SCN9A: variants seen among roughly 807,000 people sequenced by gnomAD.
SCN9A encodes sodium channel protein type 9 subunit alpha.
A neutral mutation model predicts 187.0 loss-of-function variants in SCN9A; 131 were observed. That is an observed-to-expected ratio of 0.70 (90% CI 0.61 to 0.81). The LOEUF (loss-of-function observed/expected upper bound fraction) is 0.81. Among genes scored for constraint, SCN9A ranks in the 30% least tolerant of loss-of-function variants. The pLI is 0.00. For missense variants in SCN9A, 2,252 were observed against 2,396.6 expected, an observed-to-expected ratio of 0.94 and a Z score of 1.26; for synonymous variants, 809 against 808.6, an observed-to-expected ratio of 1.00 and a Z score of -0.01.
At chr2:166,228,612 T>C in intron 22 of SCN9A, 79 bp downstream of exon 22, 1 of 1,199,426 alleles carries the variant, frequency 8.3e-7, no homozygotes. Context: ...TTATAATTAA[T>C]ATACTATTTA....
chr2:166,330,234 T>C (rs1055984547), intron 1 of SCN9A, among the ~76,000 whole-genome samples: 2 of 152,124 alleles, frequency 1.3e-5, no homozygotes, highest in Non-Finnish European at 2.9e-5. Context: ...TTGTTATCAT[T>C]GGCCATGCAA....
At chr2:166,271,957 G>A (rs373803088) in intron 17 of SCN9A, among the ~76,000 whole-genome samples, 19 of 152,046 alleles carry the variant, frequency 1.2e-4, no homozygotes, top group African/African-American at 3.4e-4. Flanking sequence ...CTGCATGAGC[G>A]AAAATAATCA....
At chr2:166,228,615 A>G in intron 22 of SCN9A, 76 bp downstream of exon 22, 3 of 1,209,372 alleles carry the variant, frequency 2.5e-6, no homozygotes, top group Non-Finnish European at 3.4e-6. Context: ...TAATTAATAT[A>G]CTATTTAAAG....
At chr2:166,259,440 T>C (rs1226113921) in intron 17 of SCN9A, among the ~76,000 whole-genome samples, 1 of 151,838 alleles carries the variant, frequency 6.6e-6, no homozygotes, top group Non-Finnish European at 1.5e-5. Context: ...CGTTAAGCAA[T>C]ATATTTGAAT....
rs1331655108 is a variant in SCN9A, at chr2:166,238,187, G to A, written c.3708C>T (p.Ile1236=). Residue 1236 remains isoleucine, a synonymous_variant, in exon 20 of 27, where the codon ATC becomes ATT. Coordinates refer to ENST00000642356, the MANE Select transcript of SCN9A (RefSeq NM_001365536.1). ...ATTTTAGAAGCATTTCCAGAATGAAGATGTAAGTGAAGATCTTGTCTGCAT... is the reference window on the plus strand; with the variant it reads ...ATTTTAGAAGCATTTCCAGAATGAAAATGTAAGTGAAGATCTTGTCTGCAT... ...LEYADKIFTY[I]FILEMLLKWI... The A allele has an allele frequency of 1.9e-6, 3 of 1,606,880 alleles. No homozygotes were observed. The highest frequency in any genetic ancestry group is 1.1e-5 in the South Asian group (1 of 90,212).
chr2:166,352,659 C>T (rs1254150685), intron 1 of SCN9A, among the ~76,000 whole-genome samples: 1 of 152,116 alleles, frequency 6.6e-6, no homozygotes, highest in Non-Finnish European at 1.5e-5. Flanking sequence ...TTCTTAGTTG[C>T]AGTAACATTG....
rs1697897307 is a variant in SCN9A, at chr2:166,288,615, A to G, written c.1136T>C (p.Met379Thr). The G allele has an allele frequency of 6.2e-7, 1 of 1,606,992 alleles. No individual in the cohort carries two copies. The highest frequency in any genetic ancestry group is 1.1e-5 in the South Asian group (1 of 89,862). The change falls in exon 10 of 27, where the codon ATG becomes ACG. Residue 379 changes from methionine (M) to threonine (T), a missense_variant. Transcript: ENST00000642356. ...QTLRAAGKTY[M>T]IFFVVVIFLG... Reference sequence around the variant, plus strand: ...GAAAATCACTACGACAAAGAAGATCATGTAGGTTTTGCCAGCAGCACGCAG... The same window carrying G: ...GAAAATCACTACGACAAAGAAGATCGTGTAGGTTTTGCCAGCAGCACGCAG...
Position 166,204,173 on chromosome 2 carries a change from A to G in SCN9A, c.4556T>C (p.Ile1519Thr), listed in dbSNP as rs200486813. The G allele has an allele frequency of 6.2e-7, 1 of 1,612,196 alleles. No homozygotes were observed. The highest frequency in any genetic ancestry group is 8.5e-7 in the Non-Finnish European group (1 of 1,178,742). The change falls in exon 26 of 27, where the codon ATT (isoleucine) becomes ACT (threonine). Residue 1519 changes from isoleucine to threonine, a missense_variant. Ile to Thr is a moderately conservative substitution (Grantham distance 89, BLOSUM62 -1). Coordinates refer to ENST00000642356, the MANE Select transcript of SCN9A (RefSeq NM_001365536.1). ...FDLVTNQAFD[I>T]SIMVLICLNM... ...GAGACAGATAAGAACCATGATACTA[A>G]TATCAAAGGCTTGATTTGTCACTAG...
At chr2:166,260,860 G>A (rs4318405) in intron 17 of SCN9A, among the ~76,000 whole-genome samples, 135,460 of 151,858 alleles carry the variant, frequency 0.89, 60,544 homozygotes, top group East Asian at 0.96. Flanking sequence ...CAGGTAGAAT[G>A]AAGTTTATAT....
chr2:166,261,628 C>T (rs1439574449), intron 17 of SCN9A, among the ~76,000 whole-genome samples: 1 of 151,832 alleles, frequency 6.6e-6, no homozygotes, highest in Non-Finnish European at 1.5e-5. Context: ...ATGTTCTATC[C>T]AGTTATGCCA....
intron 7 of SCN9A, chr2:166,302,519 TG>T (rs1698599094): frequency 6.6e-6 from 1 of 152,090 alleles, no homozygotes; most frequent in Non-Finnish European, 1.5e-5. Flanking sequence ...GGTTACAAAG[TG>T]GATGTTGATA....
chr2:166,223,035 A>C (rs1248503674), intron 24 of SCN9A, among the ~76,000 whole-genome samples: 1 of 131,242 alleles, frequency 7.6e-6, no homozygotes, highest in Non-Finnish European at 1.7e-5. Context: ...TTACCAAAAC[A>C]AAAACAAAAA....
At chr2:166,339,145 A>G (rs1333128530) in intron 1 of SCN9A, among the ~76,000 whole-genome samples, 2 of 152,168 alleles carry the variant, frequency 1.3e-5, no homozygotes, top group Non-Finnish European at 2.9e-5. Context: ...TAAATAAAAC[A>G]ATCCCCAGGA....
At chr2:166,243,851 AG>A in intron 18 of SCN9A, among the ~76,000 whole-genome samples, 1 of 152,200 alleles carries the variant, frequency 6.6e-6, no homozygotes. Flanking sequence ...ATAAGTTGGA[AG>A]GGTGAATAGA....
chr2:166,333,468 C>A (rs2105267676), intron 1 of SCN9A, among the ~76,000 whole-genome samples: 1 of 152,160 alleles, frequency 6.6e-6, no homozygotes, highest in African/African-American at 2.4e-5. Flanking sequence ...TTTCTCCATT[C>A]AACATTCATT....
intron 1 of SCN9A, among the ~76,000 whole-genome samples, chr2:166,347,617 CTAAT>C (rs975007570): frequency 1.4e-4 from 22 of 152,320 alleles, no homozygotes; most frequent in Middle Eastern, 3.4e-3. Context: ...TTGTAATTAA[CTAAT>C]TAATGTTCAC....
At chr2:166,248,636 T>C (rs1368095818) in intron 18 of SCN9A, among the ~76,000 whole-genome samples, 2 of 152,146 alleles carry the variant, frequency 1.3e-5, no homozygotes, top group African/African-American at 4.8e-5. Flanking sequence ...ACATCTCTGA[T>C]CTACACTTTT....
intron 21 of SCN9A, among the ~76,000 whole-genome samples, chr2:166,229,904 C>T (rs16851799): frequency 0.35 from 53,861 of 151,940 alleles, 9,984 homozygotes; most frequent in Non-Finnish European, 0.41. Flanking sequence ...TCAGCTTGAG[C>T]ACCCATTCAA....
At chr2:166,305,384 A>G (rs1698720476) in intron 5 of SCN9A, among the ~76,000 whole-genome samples, 1 of 152,084 alleles carries the variant, frequency 6.6e-6, no homozygotes, top group Non-Finnish European at 1.5e-5. Context: ...ATATTTTAAT[A>G]CAAAAATATA....
Sources: gnomAD v4.1 joint callset for allele counts (sites outside exome capture counted in the v4.1 genomes callset) on GRCh38, gnomAD v4.1.1 for gene constraint, MANE v1.5 for transcripts, NCBI Gene and HGNC (gene_info 2026-07-23, HGNC 2026-07-21) for gene names.